Variants in CYGB observed in about 807,000 individuals in gnomAD.
CYGB encodes cytoglobin.
Under a neutral mutation model 20.7 loss-of-function variants are expected in CYGB, and 13 were observed. The ratio of observed to expected loss-of-function variants is 0.63; its 90% CI spans 0.41 to 1.00. CYGB has a LOEUF of 1.00. CYGB is among the 50% of genes least tolerant of loss of function. The probability of loss-of-function intolerance (pLI) is 0.00; values close to 1 mark genes in which losing one functional copy is unlikely to be tolerated. For synonymous variants in CYGB, 93 were observed against 107.4 expected (o/e 0.87, Z 0.83); for missense variants, 218 against 257.2 (o/e 0.85, Z 1.04).
chr17:76,540,233 C>A, upstream of CYGB: 2 of 660,580 alleles, frequency 3.0e-6, no homozygotes, highest in Non-Finnish European at 4.6e-6. The surrounding 1 kb of genome is among the most constrained non-coding windows in gnomAD (Gnocchi z 5.0). Context: ...ACTGACCGGG[C>A]TATGGCTGGC....
chr17:76,536,137 G>A (rs540632098), intron 1 of CYGB, among the ~76,000 whole-genome samples: 12 of 152,322 alleles, frequency 7.9e-5, no homozygotes, highest in Non-Finnish European at 1.8e-4. Context: ...TCCCGACTGT[G>A]TTTCTGGGCT....
At chr17:76,547,643 TCACAC>T in intron 1 of CYGB, among the ~76,000 whole-genome samples, 1 of 149,980 alleles carries the variant, frequency 6.7e-6, no homozygotes, top group Non-Finnish European at 1.5e-5. Context: ...ACACACACAT[TCACAC>T]ACACACACAC....
chr17:76,534,193 T>TCTCTCTCTCTCTCTCTCTCTCTCTCTC, intron 1 of CYGB, among the ~76,000 whole-genome samples: 1 of 150,498 alleles, frequency 6.6e-6, no homozygotes, highest in Non-Finnish European at 1.5e-5. Flanking sequence ...TCTTTCTTTC[T>TCTCTCTCTCTCTCTCTCTCTCTCTCTC]TGAGACAGAA....
chr17:76,536,620 G>A (rs184079567), intron 1 of CYGB, among the ~76,000 whole-genome samples: 13 of 152,264 alleles, frequency 8.5e-5, no homozygotes, highest in Admixed American at 5.9e-4. Flanking sequence ...TGTGAAGAAC[G>A]GGGCGCTCTG....
At chr17:76,536,997 C>T (rs1440579644) in intron 1 of CYGB, among the ~76,000 whole-genome samples, 1 of 152,338 alleles carries the variant, frequency 6.6e-6, no homozygotes, top group Non-Finnish European at 1.5e-5. Flanking sequence ...CTCTTTGTCC[C>T]GCTTCTTGGC....
rs1319589523 is a variant in CYGB, at chr17:76,527,378, AAT to A, written c.*1198_*1199del. The A allele has an allele frequency of 8.4e-6, 3 of 356,578 alleles. No homozygotes were observed. Among genetic ancestry groups the A allele is most frequent in the Non-Finnish European group, 1.7e-5 (3 of 180,032 alleles). 22.1% of individuals were successfully genotyped at this position (356,578 alleles called of 1,614,324 possible). On this transcript the variant is annotated 3_prime_UTR_variant, in exon 4 of 4. Coordinates refer to ENST00000293230, the MANE Select transcript of CYGB (RefSeq NM_134268.5). ...AGGTACAGCAAGAACGGGTCTGTTT[AAT>A]GACACAGCTGGGTCTGGTTACAAAC...
At position 76,528,521 on chromosome 17, in the gene CYGB, T is replaced by G. The variant is rs1456743059; in HGVS notation, c.*57A>C. 7.9e-7 allele frequency: 1 copy of G among 1,265,008 alleles called. No individual in the cohort carries two copies. Among genetic ancestry groups the G allele is most frequent in the African/African-American group, 1.6e-5 (1 of 64,444 alleles). 78.4% of individuals were successfully genotyped at this position (1,265,008 alleles called of 1,614,324 possible). A position where few individuals can be genotyped will look rare whatever the true frequency, so the allele number is the denominator to read the frequency against. On this transcript the variant is annotated 3_prime_UTR_variant, in exon 4 of 4. Transcript: ENST00000293230. The surrounding 1 kb of genome is among the most constrained non-coding windows in gnomAD (Gnocchi z 5.8). ...AGAAATGGAGCGTCAAGGAGGGTCTTCAGAACTCGGCCTTCTGCTCGAGGT... is the reference window on the plus strand; with the variant it reads ...AGAAATGGAGCGTCAAGGAGGGTCTGCAGAACTCGGCCTTCTGCTCGAGGT...
intron 1 of CYGB, among the ~76,000 whole-genome samples, chr17:76,547,658 CACACAT>C (rs892152091): frequency 6.6e-6 from 1 of 151,380 alleles, no homozygotes; most frequent in African/African-American, 2.4e-5. Context: ...CACACACACA[CACACAT>C]ATTCACACAC....
chr17:76,548,267 C>T (rs1567915888), intron 1 of CYGB, among the ~76,000 whole-genome samples: 1 of 152,178 alleles, frequency 6.6e-6, no homozygotes, highest in Non-Finnish European at 1.5e-5. Flanking sequence ...CACAGATACA[C>T]ATAAACATAC....
At chr17:76,548,658 G>A (rs1016551941) in intron 1 of CYGB, among the ~76,000 whole-genome samples, 3 of 152,240 alleles carry the variant, frequency 2.0e-5, no homozygotes, top group Non-Finnish European at 2.9e-5. Context: ...GAAAAGAACA[G>A]TTTAGTAAAA....
rs1376164580 is a variant in CYGB at position 76,531,920 on chromosome 17, T to C, written c.144-229A>G. The C allele has an allele frequency of 2.1e-6, 1 of 479,544 alleles. No individual in the cohort carries two copies. Among genetic ancestry groups the C allele is most frequent in the Admixed American group, 3.6e-5 (1 of 27,710 alleles). 29.7% of individuals were successfully genotyped at this position (479,544 alleles called of 1,614,324 possible). A position where few individuals can be genotyped will look rare whatever the true frequency, so the allele number is the denominator to read the frequency against. ...GTCTATCTGCCAGGCTTGCTCAGGCTGGCGGCTTCATCTCCTAGGCCTCTG... is the reference window on the plus strand; with the variant it reads ...GTCTATCTGCCAGGCTTGCTCAGGCCGGCGGCTTCATCTCCTAGGCCTCTG... On this transcript the variant is annotated intron_variant, in intron 1 of 3. Transcript: ENST00000293230. This position sits in a 1 kb window ranked among gnomAD's most constrained non-coding sequence, Gnocchi z 7.4.
At chr17:76,529,947 T>A (rs965302100) in intron 3 of CYGB, 1 of 984,918 alleles carries the variant, frequency 1.0e-6, no homozygotes, top group African/African-American at 1.8e-5. Context: ...CCGGGGCCAG[T>A]GTGGTCAGCA....
At chr17:76,538,691 C>T (rs1470054877), upstream of CYGB, among the ~76,000 whole-genome samples, 2 of 152,244 alleles carry the variant, frequency 1.3e-5, no homozygotes, top group Admixed American at 1.3e-4. Context: ...ATCCTTCCTC[C>T]TGGTGGGCCC....
intron 1 of CYGB, among the ~76,000 whole-genome samples, chr17:76,549,510 T>C (rs7219889): frequency 0.34 from 51,147 of 152,088 alleles, 10,676 homozygotes; most frequent in African/African-American, 0.59. Flanking sequence ...CACCCTGTCA[T>C]ACACGGCTGG....
In CYGB at chr17:76,528,668, C is replaced by A. The variant is rs1032747762; in HGVS notation, c.540-57G>T. On this transcript the variant is annotated intron_variant, in intron 3 of 3. Coordinates refer to ENST00000293230, the MANE Select transcript of CYGB (RefSeq NM_134268.5). This position sits in a 1 kb window ranked among gnomAD's most constrained non-coding sequence, Gnocchi z 5.8. ...GTTACCAGAGGCAGGGAAGGACCCT[C>A]GGGGGAAAGGGGGAGGACCTGGGGC... The A allele has an allele frequency of 1.8e-5, 22 of 1,247,738 alleles. No homozygotes were observed. The African/African-American group carries it at 3.1e-4, about 18-fold the overall frequency. 77.3% of individuals were successfully genotyped at this position (1,247,738 alleles called of 1,614,324 possible). A position where few individuals can be genotyped will look rare whatever the true frequency, so the allele number is the denominator to read the frequency against.
In CYGB at chr17:76,528,941, T is replaced by C. The variant is rs535977941; in HGVS notation, c.540-330A>G. ...CAATGTGAGCTCTTTTTCCATTAAT[T>C]CTGAAACGTGGCGCATTCTGTCCGG... is the stretch of plus-strand genomic sequence containing the variant. On this transcript the variant is annotated intron_variant, in intron 3 of 3. Coordinates refer to ENST00000293230, the MANE Select transcript of CYGB (RefSeq NM_134268.5). This position sits in a 1 kb window ranked among gnomAD's most constrained non-coding sequence, Gnocchi z 5.8. 9.0e-6 allele frequency: 10 copies of C among 1,110,612 alleles called. No homozygotes were observed. In the East Asian group the frequency reaches 5.1e-4, roughly 56 times the overall value. 68.8% of individuals were successfully genotyped at this position (1,110,612 alleles called of 1,614,324 possible).
chr17:76,546,970 CT>C lies in CYGB; in HGVS notation c.-53+3891del, dbSNP rs2075059131. 6.6e-6 allele frequency: 1 copy of C among 152,218 alleles called. No individual in the cohort carries two copies. The highest frequency in any genetic ancestry group is 6.5e-5 in the Admixed American group (1 of 15,284). 9.4% of individuals were successfully genotyped at this position (152,218 alleles called of 1,614,324 possible). A position where few individuals can be genotyped will look rare whatever the true frequency, so the allele number is the denominator to read the frequency against. On this transcript the variant is annotated intron_variant, in intron 1 of 3. Coordinates refer to the CYGB transcript ENST00000589145. The surrounding 1 kb of genome is among the most constrained non-coding windows in gnomAD (Gnocchi z 4.5). ...AGCTTGGGATAGAGGGGGCCCAAGT[CT>C]CGAGTTGGGGGCCGTGAGGAAATTT... is the stretch of plus-strand genomic sequence containing the variant.
At chr17:76,548,100 CAG>C (rs2075072944) in intron 1 of CYGB, among the ~76,000 whole-genome samples, 2 of 151,750 alleles carry the variant, frequency 1.3e-5, no homozygotes, top group Non-Finnish European at 2.9e-5. Context: ...AACAGACACA[CAG>C]AAACACACAC....
chr17:76,540,989 T>C (rs1180840723), upstream of CYGB, among the ~76,000 whole-genome samples: 1 of 152,216 alleles, frequency 6.6e-6, no homozygotes. The surrounding 1 kb of genome is among the most constrained non-coding windows in gnomAD (Gnocchi z 5.0). Flanking sequence ...CAGGATTCGC[T>C]GTCCAGTCCC....
Sources: gnomAD v4.1 joint callset for allele counts (sites outside exome capture counted in the v4.1 genomes callset) on GRCh38, gnomAD v4.1.1 for gene constraint, Gnocchi (gnomAD v3.1) non-coding constraint, MANE v1.5 for transcripts, NCBI Gene and HGNC (gene_info 2026-07-23, HGNC 2026-07-21) for gene names.